Variants in RXFP1 observed in about 807,000 individuals in gnomAD.
RXFP1 encodes relaxin family peptide receptor 1.
RXFP1 carries 73 observed loss-of-function variants against 89.8 expected under a neutral mutation model. The ratio of observed to expected loss-of-function variants is 0.81; its 90% CI spans 0.67 to 0.99. The LOEUF is 0.99. Ranked by LOEUF, RXFP1 falls within the 50% of genes least tolerant of loss-of-function variation. The pLI, the probability that RXFP1 is intolerant of heterozygous loss-of-function variation, is 0.00. For synonymous variants in RXFP1, 277 were observed against 305.5 expected (o/e 0.91, Z 0.97); for missense variants, 793 against 895.5 (o/e 0.89, Z 1.46).
intron 10 of RXFP1, among the ~76,000 whole-genome samples, chr4:158,627,616 A>G (rs915868156): frequency 4.0e-5 from 6 of 151,574 alleles, no homozygotes; most frequent in African/African-American, 1.5e-4. Flanking sequence ...GAAAACCATT[A>G]TCCTAGACTA....
chr4:158,651,678 TGAAA>T (rs1463613630), intron 17 of RXFP1, 75 bp from the exon 18 acceptor site: 8 of 1,126,726 alleles, frequency 7.1e-6, no homozygotes, highest in Non-Finnish European at 9.9e-6. Flanking sequence ...GGGGTTGGGA[TGAAA>T]GAAACAGGGA....
chr4:158,542,105 A>ATGTT (rs1239980342), intron 1 of RXFP1, among the ~76,000 whole-genome samples: 1 of 25,108 alleles, frequency 4.0e-5, no homozygotes, highest in African/African-American at 9.4e-5. Flanking sequence ...ATATATATAT[A>ATGTT]TATATTTTTT....
chr4:158,628,630 A>C lies in RXFP1; in HGVS notation c.828-8A>C, dbSNP rs757375119. On this transcript the variant is annotated splice_region_variant and splice_polypyrimidine_tract_variant and intron_variant, in intron 10 of 17. Coordinates refer to ENST00000307765, the MANE Select transcript of RXFP1 (RefSeq NM_021634.4). ...GAAGTTACAATGTATTTTTCTTTTT[A>C]CTTTCAGAGTGATGAGGAAAAACAA... 1.1e-5 allele frequency: 16 copies of C among 1,430,624 alleles called. No individual in the cohort carries two copies. Among genetic ancestry groups the C allele is most frequent in the Non-Finnish European group, 1.6e-5 (16 of 1,022,600 alleles). 88.6% of individuals were successfully genotyped at this position (1,430,624 alleles called of 1,614,324 possible). A position where few individuals can be genotyped will look rare whatever the true frequency, so the allele number is the denominator to read the frequency against.
intron 11 of RXFP1, among the ~76,000 whole-genome samples, chr4:158,629,774 A>G (rs1466890484): frequency 6.6e-6 from 1 of 151,644 alleles, no homozygotes; most frequent in Non-Finnish European, 1.5e-5. Flanking sequence ...ACTATAGCAC[A>G]CCACCATGCC....
intron 1 of RXFP1, among the ~76,000 whole-genome samples, chr4:158,525,553 T>A (rs1742303486): frequency 6.6e-6 from 1 of 152,250 alleles, no homozygotes; most frequent in African/African-American, 2.4e-5. Context: ...ACAAACTTGT[T>A]AAACTAAAAT....
intron 1 of RXFP1, among the ~76,000 whole-genome samples, chr4:158,523,244 A>G (rs1156352205): frequency 6.6e-6 from 1 of 152,228 alleles, no homozygotes; most frequent in Admixed American, 6.5e-5. Context: ...TGTGGCCAAC[A>G]GCTTCAAAAA....
chr4:158,610,564 A>T, intron 6 of RXFP1: 1 of 548,474 alleles, frequency 1.8e-6, no homozygotes, highest in Non-Finnish European at 3.1e-6. Context: ...AAAAGTACTT[A>T]AGTTCCAAAC....
chr4:158,542,840 C>CA lies in RXFP1; in HGVS notation c.49+20817dup, dbSNP rs144667751. Among the ~76,000 whole-genome samples, 963 of 152,094 alleles carry CA rather than the reference C, an allele frequency of 6.3e-3. 8 individuals carry two copies. The highest frequency in any genetic ancestry group is 0.022 in the African/African-American group (924 of 41,500). On this transcript the variant is annotated intron_variant, in intron 1 of 17. Coordinates refer to ENST00000307765, the MANE Select transcript of RXFP1 (RefSeq NM_021634.4). ...ATCAGTTAGAAAGGCATCATAGGTGCAACAAACAGAAGGACCAAGCAACAG... is the reference window on the plus strand; with the variant it reads ...ATCAGTTAGAAAGGCATCATAGGTGCAAACAAACAGAAGGACCAAGCAACAG...
intron 14 of RXFP1, among the ~76,000 whole-genome samples, chr4:158,641,252 C>T (rs1043805658): frequency 6.6e-6 from 1 of 152,082 alleles, no homozygotes; most frequent in Non-Finnish European, 1.5e-5. Context: ...TAATTTATAG[C>T]CTCTGGAATT....
chr4:158,521,834 G>T, upstream of RXFP1: 1 of 567,386 alleles, frequency 1.8e-6, no homozygotes, highest in South Asian at 2.3e-5. Flanking sequence ...GAAAGGAAAT[G>T]GGAGTGGAAG....
At chr4:158,646,205 C>A in intron 15 of RXFP1, 1 of 291,178 alleles carries the variant, frequency 3.4e-6, no homozygotes, top group Non-Finnish European at 6.8e-6. Flanking sequence ...AGAGAGAAAA[C>A]AGTTTTGCTT....
intron 1 of RXFP1, among the ~76,000 whole-genome samples, chr4:158,562,338 A>C (rs1363873891): frequency 1.3e-5 from 2 of 151,062 alleles, no homozygotes; most frequent in Non-Finnish European, 1.5e-5. Flanking sequence ...TCCCGGCTAA[A>C]ACGGTGAAAC....
chr4:158,620,328 A>G (rs187608957), intron 9 of RXFP1, among the ~76,000 whole-genome samples: 1 of 152,292 alleles, frequency 6.6e-6, no homozygotes, highest in African/African-American at 2.4e-5. Context: ...GGATAATACA[A>G]TTGTCTAACA....
In RXFP1 at chr4:158,618,853, T is replaced by C. The variant is rs777185947; in HGVS notation, c.755+1648T>C. On this transcript the variant is annotated intron_variant, in intron 9 of 17. Transcript: ENST00000307765. Reference sequence around the variant, plus strand: ...AATGCCACAATAAAAGTTGTAAAATTCAAAAAAAAAGAAATATAAGTAATA... The same window carrying C: ...AATGCCACAATAAAAGTTGTAAAATCCAAAAAAAAAGAAATATAAGTAATA... 9.8e-4 allele frequency among the ~76,000 whole-genome samples: 148 copies of C among 151,334 alleles called. 1 individual carries two copies. The highest frequency in any genetic ancestry group is 1.9e-3 in the Non-Finnish European group (127 of 67,786).
At position 158,542,109 on chromosome 4, in the gene RXFP1, ATTT is replaced by A. The variant is rs56032847; in HGVS notation, c.49+20092_49+20094del. The stretch of plus-strand genomic sequence containing the variant: ...TATATATATATATATATATATATAT[ATTT>A]TTTTTTTAGTAGAGACAGGGTTTCA... On this transcript the variant is annotated intron_variant, in intron 1 of 17. Transcript: ENST00000307765. Among the ~76,000 whole-genome samples the A allele has an allele frequency of 4.1e-3, 143 of 35,224 alleles. 9 individuals carry two copies. Among genetic ancestry groups the A allele is most frequent in the African/African-American group, 0.013 (140 of 10,766 alleles). The allele number at this position is 35,224 out of a possible 152,430, so 23.1% of individuals were successfully genotyped here.
intron 1 of RXFP1, among the ~76,000 whole-genome samples, chr4:158,530,238 G>A (rs893658005): frequency 1.3e-5 from 2 of 152,098 alleles, no homozygotes; most frequent in Non-Finnish European, 2.9e-5. Context: ...AGCTGCCCTA[G>A]GAAGCTTTTT....
chr4:158,621,990 TG>T (rs1765707685), intron 9 of RXFP1, among the ~76,000 whole-genome samples: 1 of 152,196 alleles, frequency 6.6e-6, no homozygotes, highest in Non-Finnish European at 1.5e-5. Flanking sequence ...ACAGCTATTA[TG>T]GAAAACATAT....
At chr4:158,551,871 G>T (rs1750220289) in intron 1 of RXFP1, among the ~76,000 whole-genome samples, 1 of 151,106 alleles carries the variant, frequency 6.6e-6, no homozygotes, top group East Asian at 1.9e-4. Flanking sequence ...AGCCCAGGAG[G>T]TCAAGGCTGC....
At chr4:158,563,816 A>G (rs930625673) in intron 1 of RXFP1, among the ~76,000 whole-genome samples, 1 of 150,272 alleles carries the variant, frequency 6.7e-6, no homozygotes, top group African/African-American at 2.4e-5. Flanking sequence ...TCACCTAGTG[A>G]CATTGTAGCC....
Sources: gnomAD v4.1 joint callset for allele counts (sites outside exome capture counted in the v4.1 genomes callset) on GRCh38, gnomAD v4.1.1 for gene constraint, MANE v1.5 for transcripts, NCBI Gene and HGNC (gene_info 2026-07-23, HGNC 2026-07-21) for gene names.